The following MS4A10 variants were observed in gnomAD, a reference collection of about 807,000 sequenced individuals.
MS4A10 encodes membrane spanning 4-domains A10.
A neutral mutation model predicts 27.7 loss-of-function variants in MS4A10; 27 were observed. The ratio of observed to expected loss-of-function variants is 0.98; its 90% CI spans 0.72 to 1.35. The LOEUF is 1.35. Among genes scored for constraint, MS4A10 ranks in the 40% most tolerant of loss-of-function variants. MS4A10 has a pLI of 0.00. For synonymous variants in MS4A10, 139 were observed against 131.2 expected, an observed-to-expected ratio of 1.06 and a Z score of -0.41; for missense variants, 338 against 324.7, an observed-to-expected ratio of 1.04 and a Z score of -0.32.
At chr11:60,788,188 T>C (rs1854371893) in intron 1 of MS4A10, among the ~76,000 whole-genome samples, 1 of 152,222 alleles carries the variant, frequency 6.6e-6, no homozygotes, top group African/African-American at 2.4e-5. Context: ...CTCAAACTTA[T>C]TTGACCATGG....
At chr11:60,790,606 A>G in intron 2 of MS4A10, 88 bp downstream of exon 2, 1 of 1,415,158 alleles carries the variant, frequency 7.1e-7, no homozygotes, top group African/African-American at 1.4e-5. Flanking sequence ...AAGGGAAGAA[A>G]GGGAAAAGAG....
At position 60,795,616 on chromosome 11, in the gene MS4A10, C is replaced by A; in HGVS notation, c.554C>A (p.Pro185Gln). The part of the protein sequence containing the change: ...LCFTVLELFL[P>Q]VPTAVTAWRG... ...TTCACTGTCCTAGAGCTCTTCCTGC[C>A]AGTGCCCACAGCTGTCACAGCCTGG... Residue 185 changes from proline (P) to glutamine (Q), a missense_variant, in exon 6 of 8, where the codon CCA becomes CAA. Transcript: ENST00000308287. The A allele has an allele frequency of 6.3e-7, 1 of 1,596,194 alleles. No homozygotes were observed. The highest frequency in any genetic ancestry group is 8.5e-7 in the Non-Finnish European group (1 of 1,171,048).
At chr11:60,790,570 A>T in intron 2 of MS4A10, 52 bp downstream of exon 2, 1 of 1,597,298 alleles carries the variant, frequency 6.3e-7, no homozygotes, top group Non-Finnish European at 8.5e-7. Context: ...GGAGAGGGGG[A>T]TATGAGGAGG....
chr11:60,798,403 A>G lies in MS4A10; in HGVS notation c.611A>G (p.Asp204Gly), dbSNP rs1250555116. The change falls in exon 7 of 8, where the codon GAT becomes GGT. Residue 204 changes from aspartate (D) to glycine (G), a missense_variant. By Grantham distance (94) the Asp-to-Gly change is moderately conservative. Transcript: ENST00000308287. ...GCGACTTTTCTTTCGCAGAATGATG[A>G]TGCATGCCTTGTTCCGAATACACCA... Reference protein sequence around the residue: ...RGDCPSAKNDDACLVPNTPLH... With the variant: ...RGDCPSAKNDGACLVPNTPLH... 3.7e-6 allele frequency: 6 copies of G among 1,613,244 alleles called. No homozygotes were observed. The Admixed American group carries it at 5.0e-5, about 13-fold the overall frequency.
intron 1 of MS4A10, among the ~76,000 whole-genome samples, chr11:60,786,173 G>GCACACACACGCA (rs1554971096): frequency 3.6e-5 from 5 of 139,972 alleles, no homozygotes; most frequent in South Asian, 2.2e-4. Context: ...GCACACACAT[G>GCACACACACGCA]CACACACACA....
chr11:60,792,935 A>C (rs1854455313), intron 4 of MS4A10, among the ~76,000 whole-genome samples: 2 of 152,170 alleles, frequency 1.3e-5, no homozygotes, highest in African/African-American at 2.4e-5. Context: ...CTGTACACTA[A>C]ATTATTTCTG....
intron 4 of MS4A10, among the ~76,000 whole-genome samples, chr11:60,793,025 G>A (rs1446478062): frequency 6.6e-6 from 1 of 152,208 alleles, no homozygotes; most frequent in African/African-American, 2.4e-5. Flanking sequence ...AAGACTGGAT[G>A]GGTGGAGGTG....
intron 1 of MS4A10, among the ~76,000 whole-genome samples, chr11:60,787,541 C>A (rs991444961): frequency 6.6e-6 from 1 of 152,050 alleles, no homozygotes; most frequent in African/African-American, 2.4e-5. Flanking sequence ...TTGGAAGGGA[C>A]CTTAGAGATC....
At chr11:60,788,529 G>T (rs1000606901) in intron 1 of MS4A10, among the ~76,000 whole-genome samples, 36 of 152,218 alleles carry the variant, frequency 2.4e-4, no homozygotes, top group Admixed American at 2.4e-3. Flanking sequence ...TCAGGCCTCT[G>T]CCACCGAATA....
Position 60,795,612 on chromosome 11 carries a change from C to T in MS4A10, c.550C>T (p.Leu184=). 6.3e-7 allele frequency: 1 copy of T among 1,596,630 alleles called. No homozygotes were observed. The highest frequency in any genetic ancestry group is 8.5e-7 in the Non-Finnish European group (1 of 1,171,254). The change falls in exon 6 of 8, where the codon CTG becomes TTG. Residue 184 remains leucine (L), a synonymous_variant. Transcript: ENST00000308287. ...LLCFTVLELF[L]PVPTAVTAWR... is the part of the protein sequence containing the mutation. ...CTGCTTCACTGTCCTAGAGCTCTTC[C>T]TGCCAGTGCCCACAGCTGTCACAGC...
chr11:60,796,699 A>C (rs1854540104), intron 6 of MS4A10, among the ~76,000 whole-genome samples: 1 of 152,200 alleles, frequency 6.6e-6, no homozygotes, highest in Admixed American at 6.5e-5. Flanking sequence ...TCCAGGACTC[A>C]GCCTGAGCTA....
Position 60,799,694 on chromosome 11 carries a change from G to A in MS4A10, c.723-134G>A, listed in dbSNP as rs568990625. ...GATTCTCTTCCCCCAGGTATTTGCA[G>A]AGCTCACTCTTTGAATCTTTACTGG... On this transcript the variant is annotated intron_variant, in intron 7 of 7. Transcript: ENST00000308287. 3.4e-4 allele frequency: 218 copies of A among 645,828 alleles called. No homozygotes were observed. The African/African-American group carries it at 3.7e-3, about 11-fold the overall frequency. 40.0% of individuals were successfully genotyped at this position (645,828 alleles called of 1,614,324 possible). A position where few individuals can be genotyped will look rare whatever the true frequency, so the allele number is the denominator to read the frequency against.
At chr11:60,793,688 T>C (rs2134753042) in intron 4 of MS4A10, among the ~76,000 whole-genome samples, 3 of 152,314 alleles carry the variant, frequency 2.0e-5, no homozygotes, top group Middle Eastern at 6.8e-3. Context: ...GGGCATCCTT[T>C]ATTGCAAAGC....
chr11:60,795,575 G>T lies in MS4A10; in HGVS notation c.513G>T (p.Glu171Asp), dbSNP rs757814629. 6.4e-6 allele frequency: 10 copies of T among 1,573,082 alleles called. No homozygotes were observed. The highest frequency in any genetic ancestry group is 6.9e-6 in the Non-Finnish European group (8 of 1,159,558). Reference protein sequence around the residue: ...PNSTVHIQRLELALLCFTVLE... With the variant: ...PNSTVHIQRLDLALLCFTVLE... ...CTCAGGTCCACATCCAGAGGCTGGA[G>T]CTGGCCTTGCTCTGCTTCACTGTCC... Residue 171 changes from glutamate to aspartate, a missense_variant, in exon 6 of 8, where the codon GAG becomes GAT. Glu to Asp is a conservative substitution (Grantham distance 45, BLOSUM62 2). Transcript: ENST00000308287.
Position 60,791,081 on chromosome 11 carries a change from G to C in MS4A10, c.291G>C (p.Trp97Cys), listed in dbSNP as rs554585564. Reference sequence around the variant, plus strand: ...TGCTGAAGTCTTGGTATCCATTCTGGGGGGCTGCCTCTGTGAGTAGAAGGC... The same window carrying C: ...TGCTGAAGTCTTGGTATCCATTCTGCGGGGCTGCCTCTGTGAGTAGAAGGC... ...LVVLKSWYPF[W>C]GAASFLISGI... Residue 97 changes from tryptophan to cysteine, a missense_variant, in exon 3 of 8, where the codon TGG becomes TGC. By Grantham distance (215) the Trp-to-Cys change is radical (BLOSUM62 -2). Transcript: ENST00000308287. 1.2e-6 allele frequency: 2 copies of C among 1,613,924 alleles called. No homozygotes were observed. The highest frequency in any genetic ancestry group is 3.3e-5 in the Admixed American group (2 of 59,996).
chr11:60,788,625 C>A (rs1360937119), intron 1 of MS4A10, among the ~76,000 whole-genome samples: 1 of 152,168 alleles, frequency 6.6e-6, no homozygotes, highest in East Asian at 1.9e-4. Context: ...GGGACAGTTC[C>A]CATGCATAGC....
At chr11:60,786,226 C>T (rs996101842) in intron 1 of MS4A10, among the ~76,000 whole-genome samples, 1 of 151,892 alleles carries the variant, frequency 6.6e-6, no homozygotes, top group African/African-American at 2.4e-5. Context: ...GAGAAGCTCT[C>T]TCTGTCCTCT....
At chr11:60,786,792 C>T (rs1021680262) in intron 1 of MS4A10, among the ~76,000 whole-genome samples, 3 of 152,150 alleles carry the variant, frequency 2.0e-5, no homozygotes, top group African/African-American at 4.8e-5. Flanking sequence ...TATTGCTATA[C>T]GCCAGTCCCT....
intron 2 of MS4A10, 25 bp downstream of exon 2, chr11:60,790,543 C>T: frequency 1.9e-6 from 3 of 1,612,946 alleles, no homozygotes; most frequent in Non-Finnish European, 2.5e-6. Context: ...CCCAGGGTCC[C>T]AGCAGTGGGA....
Sources: allele counts gnomAD v4.1 joint callset (sites outside exome capture counted in the v4.1 genomes callset), GRCh38; gene constraint gnomAD v4.1.1; transcripts MANE v1.5; gene names NCBI Gene and HGNC (gene_info 2026-07-23, HGNC 2026-07-21).